The following KRT71 variants were observed in gnomAD, a reference collection of about 807,000 sequenced individuals.
The protein encoded by KRT71 is keratin, type II cytoskeletal 71.
In KRT71, 42 loss-of-function variants were observed where a neutral mutation model predicts 46.2. That is an observed-to-expected ratio of 0.91 (90% confidence interval 0.71 to 1.18). KRT71 has a LOEUF of 1.18. Ranked by LOEUF, KRT71 falls within the 50% of genes most tolerant of loss-of-function variation. The pLI is 0.00. For missense variants in KRT71, 708 were observed against 677.9 expected, an observed-to-expected ratio of 1.04 and a Z score of -0.49; for synonymous variants, 292 against 277.8, an observed-to-expected ratio of 1.05 and a Z score of -0.51.
At position 52,548,761 on chromosome 12, in the gene KRT71, C is replaced by T. The variant is rs765650275; in HGVS notation, c.753G>A (p.Leu251=). The change falls in exon 4 of 9, where the codon CTG becomes CTA. Residue 251 remains leucine, a synonymous_variant. Coordinates refer to ENST00000267119, the MANE Select transcript of KRT71 (RefSeq NM_033448.3). ...VDAAYANKVE[L]QAKVESMDQE... ...GGTCCATGGATTCCACCTTGGCCTG[C>T]AGTTCCACCTTATTGGCGTAAGCAG... 2 of 1,614,234 alleles carry T rather than the reference C, an allele frequency of 1.2e-6. No individual in the cohort carries two copies. The highest frequency in any genetic ancestry group is 1.7e-6 in the Non-Finnish European group (2 of 1,180,036).
At position 52,544,518 on chromosome 12, in the gene KRT71, C is replaced by T. The variant is rs751415784; in HGVS notation, c.*14G>A. The stretch of plus-strand genomic sequence containing the variant: ...CCGGGTCATGGAATGAGGCGGGGCC[C>T]GGGGCAGTCTTCTCTACCGACTGGT... On this transcript the variant is annotated 3_prime_UTR_variant, in exon 9 of 9. Coordinates refer to ENST00000267119, the MANE Select transcript of KRT71 (RefSeq NM_033448.3). The T allele has an allele frequency of 4.8e-5, 78 of 1,610,886 alleles. No homozygotes were observed. The Admixed American group carries it at 1.1e-3, about 23-fold the overall frequency.
At chr12:52,548,020 G>A (rs1592204630) in intron 5 of KRT71, 38 bp from the exon 6 acceptor site, 1 of 1,611,496 alleles carries the variant, frequency 6.2e-7, no homozygotes, top group South Asian at 1.1e-5. Flanking sequence ...AGTGTGTCGT[G>A]GGAGTGCATG....
At chr12:52,550,361 G>C in intron 1 of KRT71, 118 bp from the exon 2 acceptor site, 1 of 1,255,210 alleles carries the variant, frequency 8.0e-7, no homozygotes, top group Non-Finnish European at 1.1e-6. Flanking sequence ...TGAAAGAGGT[G>C]GGCAAATCAT....
intron 3 of KRT71, 43 bp from the exon 4 acceptor site, chr12:52,548,839 CA>C (rs1939108052): frequency 1.9e-6 from 3 of 1,560,152 alleles, no homozygotes; most frequent in Non-Finnish European, 2.7e-6. Flanking sequence ...CTGGTACAGC[CA>C]AAAAGGCAGC....
intron 8 of KRT71, 126 bp downstream of exon 8, chr12:52,545,439 G>A (rs2120554607): frequency 1.7e-6 from 1 of 584,224 alleles, no homozygotes; most frequent in East Asian, 3.2e-5. Context: ...ATCTGGCTTT[G>A]TGATCTCAGG....
chr12:52,551,033 T>A (rs1939159786), intron 1 of KRT71, among the ~76,000 whole-genome samples: 1 of 152,234 alleles, frequency 6.6e-6, no homozygotes, highest in African/African-American at 2.4e-5. Flanking sequence ...GATAGAATTA[T>A]TCCCCGAAAA....
rs1392044382 is a variant in KRT71, at chr12:52,544,405, G to A, written c.*127C>T. Reference sequence around the variant, plus strand: ...CAGGCTGGGAGAAGTGGGTGGCCAAGGCCAGTGCCAGGTGTATGGGAGCAG... The same window carrying A: ...CAGGCTGGGAGAAGTGGGTGGCCAAAGCCAGTGCCAGGTGTATGGGAGCAG... On this transcript the variant is annotated 3_prime_UTR_variant, in exon 9 of 9. Coordinates refer to ENST00000267119, the MANE Select transcript of KRT71 (RefSeq NM_033448.3). 3 of 899,410 alleles carry A rather than the reference G, an allele frequency of 3.3e-6. No individual in the cohort carries two copies. Among genetic ancestry groups the A allele is most frequent in the South Asian group, 3.0e-5 (2 of 67,402 alleles). The allele number at this position is 899,410 out of a possible 1,614,324, so 55.7% of individuals were successfully genotyped here.
At chr12:52,549,239 G>A (rs1467706758) in intron 3 of KRT71, 54 bp downstream of exon 3, 12 of 1,392,876 alleles carry the variant, frequency 8.6e-6, no homozygotes, top group Non-Finnish European at 1.2e-5. Context: ...GGCAGGCTCT[G>A]TTCCTCCAGG....
rs375403204 is a variant in KRT71 at position 52,552,980 on chromosome 12, C to T, written c.98G>A (p.Arg33Gln). Residue 33 changes from arginine to glutamine, a missense_variant, in exon 1 of 9, where the codon CGG (arginine) becomes CAG (glutamine). By Grantham distance (43) the Arg-to-Gln change is conservative. Transcript: ENST00000267119. ...CCCACTGAGCCCTTTGCTCCCTGCC[C>T]GGAAGGAGGATGAGCTGCCCCCTGA... ...VLSGGSSSSFRAGSKGLSGGF... is the reference protein window; with the variant it reads ...VLSGGSSSSFQAGSKGLSGGF... 114 of 1,614,188 alleles carry T rather than the reference C, an allele frequency of 7.1e-5. No individual in the cohort carries two copies. The highest frequency in any genetic ancestry group is 2.2e-4 in the East Asian group (10 of 44,884).
At chr12:52,548,987 T>C (rs1033928526) in intron 3 of KRT71, among the ~76,000 whole-genome samples, 191 bp from the exon 4 acceptor site, 2 of 150,616 alleles carry the variant, frequency 1.3e-5, no homozygotes, top group African/African-American at 4.9e-5. Context: ...TCGGCAGGAA[T>C]GAAGCGCCTG....
chr12:52,550,025 T>C lies in KRT71; in HGVS notation c.656+4A>G, dbSNP rs775475464. The C allele has an allele frequency of 1.9e-6, 3 of 1,614,006 alleles. No homozygotes were observed. The highest frequency in any genetic ancestry group is 2.5e-6 in the Non-Finnish European group (3 of 1,179,896). ...CCAGTTACAGGGGGACTCCTCCTGC[T>C]CACCTCTTCTTGTAGTCCTCCACTA... On this transcript the variant is annotated splice_donor_region_variant and intron_variant, in intron 2 of 8. Transcript: ENST00000267119.
In KRT71 at chr12:52,552,861, G is replaced by T. The variant is rs182131096; in HGVS notation, c.217C>A (p.Arg73=). 9.3e-6 allele frequency: 15 copies of T among 1,614,186 alleles called. No homozygotes were observed. The highest frequency in any genetic ancestry group is 1.2e-5 in the Non-Finnish European group (14 of 1,180,038). The change falls in exon 1 of 9, where the codon CGG becomes AGG. Residue 73 remains arginine (R), a synonymous_variant. Coordinates refer to ENST00000267119, the MANE Select transcript of KRT71 (RefSeq NM_033448.3). ...SGKSGGYGFG[R]GRASGFAGSM... is the part of the protein sequence containing the mutation. ...CCAGCAAAGCCACTGGCCCGGCCCC[G>T]GCCAAATCCATAGCCTCCACTCTTC...
intron 8 of KRT71, among the ~76,000 whole-genome samples, chr12:52,545,211 T>A (rs1939038725): frequency 6.6e-6 from 1 of 152,108 alleles, no homozygotes; most frequent in African/African-American, 2.4e-5. Flanking sequence ...CCCTCAGCCC[T>A]CCCTACTTCC....
intron 1 of KRT71, among the ~76,000 whole-genome samples, chr12:52,552,342 G>C (rs531413168): frequency 6.6e-6 from 1 of 152,200 alleles, no homozygotes. Flanking sequence ...TTCTGCACAC[G>C]GCCTGCAGGC....
In KRT71 at chr12:52,553,070, C is replaced by T. The variant is rs377197035; in HGVS notation, c.8G>A (p.Arg3His). 477 of 1,574,368 alleles carry T rather than the reference C, an allele frequency of 3.0e-4. 6 individuals are homozygous for T. The South Asian group carries it at 5.0e-3, about 17-fold the overall frequency. ...AGCTCCCGACTTGCAGGTGAATTGG[C>T]GGCTCATGTTGCTGGTGGAGACAAA... is the stretch of plus-strand genomic sequence containing the variant. MSRQFTCKSGAAA... is the reference protein window; with the variant it reads MSHQFTCKSGAAA... Residue 3 changes from arginine (R) to histidine (H), a missense_variant, in exon 1 of 9, where the codon CGC (arginine) becomes CAC (histidine). By Grantham distance (29) the Arg-to-His change is conservative. Transcript: ENST00000267119.
rs1565599748 is a variant in KRT71, at chr12:52,543,917, T to A, written c.*615A>T. On this transcript the variant is annotated 3_prime_UTR_variant, in exon 9 of 9. Coordinates refer to ENST00000267119, the MANE Select transcript of KRT71 (RefSeq NM_033448.3). ...ACTCAGAGACCAAGCCATGAGATTGTGCTGTTTATTGAGGTTGCAACAGAG... is the reference window on the plus strand; with the variant it reads ...ACTCAGAGACCAAGCCATGAGATTGAGCTGTTTATTGAGGTTGCAACAGAG... 6.4e-6 allele frequency: 1 copy of A among 156,344 alleles called. No homozygotes were observed. The highest frequency in any genetic ancestry group is 6.1e-5 in the Admixed American group (1 of 16,354). 9.7% of individuals were successfully genotyped at this position (156,344 alleles called of 1,614,324 possible).
intron 1 of KRT71, among the ~76,000 whole-genome samples, chr12:52,550,993 A>G (rs1939159102): frequency 6.6e-6 from 1 of 152,254 alleles, no homozygotes; most frequent in Non-Finnish European, 1.5e-5. Flanking sequence ...AACACAAGAC[A>G]TGGGAAAACT....
chr12:52,545,578 G>A lies in KRT71; in HGVS notation c.1347C>T (p.Ser449=). ...EECRMSGEFP[S]PVSISIISST... is the part of the protein sequence containing the mutation. Reference sequence around the variant, plus strand: ...ACAAATACTTACAGATGCTGACAGGGGAGGGAAATTCTCCTGACATCCTAT... The same window carrying A: ...ACAAATACTTACAGATGCTGACAGGAGAGGGAAATTCTCCTGACATCCTAT... The change falls in exon 8 of 9, where the codon TCC becomes TCT. Residue 449 remains serine, a synonymous_variant. Coordinates refer to ENST00000267119, the MANE Select transcript of KRT71 (RefSeq NM_033448.3). 1 of 1,559,118 alleles carries A rather than the reference G, an allele frequency of 6.4e-7. No homozygotes were observed. Among genetic ancestry groups the A allele is most frequent in the Non-Finnish European group, 8.8e-7 (1 of 1,133,476 alleles).
chr12:52,549,398 C>G (rs949136826), intron 2 of KRT71, 45 bp from the exon 3 acceptor site: 3 of 1,532,956 alleles, frequency 2.0e-6, no homozygotes, highest in Non-Finnish European at 2.7e-6. Context: ...TCACTGAAAG[C>G]CCTTGCTTTC....
Sources: allele counts gnomAD v4.1 joint callset (sites outside exome capture counted in the v4.1 genomes callset), GRCh38; gene constraint gnomAD v4.1.1; transcripts MANE v1.5; gene names NCBI Gene and HGNC (gene_info 2026-07-23, HGNC 2026-07-21).